MAF: variants seen among roughly 807,000 people sequenced by gnomAD.
The protein encoded by MAF is transcription factor Maf.
Under a neutral mutation model 22.0 loss-of-function variants are expected in MAF, and 10 were observed. The ratio of observed to expected loss-of-function variants is 0.45; its 90% CI spans 0.28 to 0.77. The LOEUF (loss-of-function observed/expected upper bound fraction) is 0.77. Among genes scored for constraint, MAF ranks in the 30% least tolerant of loss-of-function variants. The probability of loss-of-function intolerance (pLI) is 0.12; values close to 1 mark genes in which losing one functional copy is unlikely to be tolerated. For synonymous variants in MAF, 337 were observed against 255.8 expected (o/e 1.32, Z -3.03); for missense variants, 544 against 548.4 (o/e 0.99, Z 0.08).
the MAF span, among the ~76,000 whole-genome samples, chr16:79,550,865 G>A: frequency 2.6e-5 from 4 of 152,132 alleles, no homozygotes; most frequent in Non-Finnish European, 5.9e-5. Context: ...CAGGGAGATT[G>A]GCACAGATGG....
At chr16:79,430,889 C>A in the MAF span, among the ~76,000 whole-genome samples, 1 of 152,162 alleles carries the variant, frequency 6.6e-6, no homozygotes, top group Non-Finnish European at 1.5e-5. Flanking sequence ...AAGTAAATGA[C>A]ACTTTGCATT....
chr16:79,472,692 G>C, the MAF span, among the ~76,000 whole-genome samples: 2 of 152,040 alleles, frequency 1.3e-5, no homozygotes, highest in Non-Finnish European at 2.9e-5. Context: ...TAAAATTAGA[G>C]TAGGGCGATG....
At chr16:79,516,801 T>A in the MAF span, among the ~76,000 whole-genome samples, 8 of 151,644 alleles carry the variant, frequency 5.3e-5, no homozygotes, top group African/African-American at 1.7e-4. Flanking sequence ...CCATGGAATC[T>A]ACTAAAGAAC....
the MAF span, chr16:79,211,733 C>G: frequency 2.5e-6 from 4 of 1,614,098 alleles, no homozygotes; most frequent in African/African-American, 2.7e-5. Context: ...AAGAGACGGC[C>G]CGGACCCTGT....
the MAF span, among the ~76,000 whole-genome samples, chr16:79,389,045 C>CA: frequency 1.3e-5 from 2 of 152,172 alleles, no homozygotes; most frequent in African/African-American, 4.8e-5. Context: ...TAATTCACTG[C>CA]AAAAAATTGA....
chr16:79,458,014 AT>A, the MAF span, among the ~76,000 whole-genome samples: 195 of 147,098 alleles, frequency 1.3e-3, no homozygotes, highest in Middle Eastern at 6.8e-3. Context: ...CATTAGAGAT[AT>A]TTTTTTTTCA....
At chr16:79,319,305 A>C in the MAF span, among the ~76,000 whole-genome samples, 2 of 152,250 alleles carry the variant, frequency 1.3e-5, no homozygotes, top group Non-Finnish European at 2.9e-5. Context: ...AGAGGACTTA[A>C]TTAATTTGAT....
the MAF span, among the ~76,000 whole-genome samples, chr16:79,574,330 T>C: frequency 1.3e-5 from 2 of 152,222 alleles, no homozygotes; most frequent in Admixed American, 6.5e-5. Context: ...TGTCTGATGA[T>C]GACAAATAAA....
At chr16:79,205,184 A>C in the MAF span, 460 of 152,296 alleles carry the variant, frequency 3.0e-3, 4 homozygotes, top group Non-Finnish European at 5.1e-3. Flanking sequence ...GTTTCTCTCA[A>C]GGTGTCCCTT....
chr16:79,262,787 C>T, the MAF span, among the ~76,000 whole-genome samples: 1 of 152,144 alleles, frequency 6.6e-6, no homozygotes, highest in East Asian at 1.9e-4. Flanking sequence ...CCCAGCCAAT[C>T]TAAATGGGAG....
chr16:79,545,309 A>G, the MAF span, among the ~76,000 whole-genome samples: 12 of 152,296 alleles, frequency 7.9e-5, no homozygotes, highest in South Asian at 2.1e-3. Flanking sequence ...ACTGAGTGAA[A>G]GGTGGGGAAT....
At chr16:79,434,883 A>G in the MAF span, among the ~76,000 whole-genome samples, 2 of 152,152 alleles carry the variant, frequency 1.3e-5, no homozygotes, top group Non-Finnish European at 2.9e-5. Flanking sequence ...GCAGAAACCC[A>G]TATCGAGGTA....
chr16:79,304,073 G>T, the MAF span, among the ~76,000 whole-genome samples: 1 of 152,326 alleles, frequency 6.6e-6, no homozygotes, highest in Non-Finnish European at 1.5e-5. Context: ...AACCTTGTGG[G>T]ACCCAAGATG....
chr16:79,597,016 T>C, intron 1 of MAF: 3 of 1,055,168 alleles, frequency 2.8e-6, no homozygotes, highest in Non-Finnish European at 2.3e-6. Flanking sequence ...AACAGGGGCG[T>C]TTCCCCTCTT....
chr16:79,369,684 C>T, the MAF span, among the ~76,000 whole-genome samples: 111 of 152,320 alleles, frequency 7.3e-4, no homozygotes, highest in Middle Eastern at 6.8e-3. Flanking sequence ...TATAAGGATT[C>T]ACTGAGAAAT....
chr16:79,480,690 G>C, the MAF span, among the ~76,000 whole-genome samples: 1 of 152,178 alleles, frequency 6.6e-6, no homozygotes, highest in Non-Finnish European at 1.5e-5. Context: ...GCTGGCATTG[G>C]ACAGGGATGG....
At chr16:79,450,072 C>T in the MAF span, among the ~76,000 whole-genome samples, 2 of 152,206 alleles carry the variant, frequency 1.3e-5, no homozygotes, top group African/African-American at 2.4e-5. Context: ...CCATAGTATT[C>T]CCTTATTATT....
At chr16:79,219,114 A>G in the MAF span, among the ~76,000 whole-genome samples, 6 of 152,196 alleles carry the variant, frequency 3.9e-5, no homozygotes, top group Non-Finnish European at 5.9e-5. Flanking sequence ...GCGTGAGAGA[A>G]TAAAAGCTCC....
At chr16:79,258,057 G>C in the MAF span, among the ~76,000 whole-genome samples, 1 of 152,152 alleles carries the variant, frequency 6.6e-6, no homozygotes, top group Admixed American at 6.5e-5. Context: ...ATAACATCGC[G>C]TCTCAGCTGC....
Sources: gnomAD v4.1 joint callset for allele counts (sites outside exome capture counted in the v4.1 genomes callset) on GRCh38, gnomAD v4.1.1 for gene constraint, MANE v1.5 for transcripts, NCBI Gene and HGNC (gene_info 2026-07-23, HGNC 2026-07-21) for gene names.